The following FAM50A variants were observed in gnomAD, a reference collection of about 807,000 sequenced individuals.
FAM50A encodes the protein family with sequence similarity 50 member A.
A neutral mutation model predicts 35.5 loss-of-function variants in FAM50A; 6 were observed. The ratio of observed to expected loss-of-function variants is 0.17; its 90% confidence interval spans 0.09 to 0.33. The LOEUF (loss-of-function observed/expected upper bound fraction) is 0.33, where lower values mean the gene tolerates loss of function less well. FAM50A is among the 10% of genes least tolerant of loss of function. The pLI is 1.00. For missense variants in FAM50A, 145 were observed against 295.5 expected (o/e 0.49, Z 3.73); for synonymous variants, 120 against 110.9 (o/e 1.08, Z -0.52).
rs782365496 is a variant in FAM50A, at chrX:154,450,107, G to T, written c.900+8G>T. 9.1e-6 allele frequency: 11 copies of T among 1,205,832 alleles called. No individual in the cohort carries two copies. Among genetic ancestry groups the T allele is most frequent in the Non-Finnish European group, 1.2e-5 (11 of 891,831 alleles). On this transcript the variant is annotated splice_region_variant and intron_variant, in intron 11 of 12. Transcript: ENST00000393600. The stretch of plus-strand genomic sequence containing the variant: ...ACTGTGGAGAAGGATGAGGTACAGC[G>T]TAGGGGGCCGTGTGAGGGGGAACGG...
At position 154,446,356 on chromosome X, in the gene FAM50A, G is replaced by A. The variant is rs782700449; in HGVS notation, c.297-59G>A. The A allele has an allele frequency of 1.4e-4, 154 of 1,109,839 alleles. 1 individual carries two copies. The highest frequency in any genetic ancestry group is 3.7e-4 in the South Asian group (20 of 54,049). The allele number at this position is 1,109,839 out of a possible 1,213,427, so 91.5% of individuals were successfully genotyped here. A position where few individuals can be genotyped will look rare whatever the true frequency, so the allele number is the denominator to read the frequency against. On this transcript the variant is annotated intron_variant, in intron 3 of 12. Transcript: ENST00000393600. ...CACAGGTGGCTCTGGGTCAAGGAAG[G>A]GGCTGGGTCAGGGTCGGGAAGGACA...
chrX:154,445,214 C>T (rs2068777605), intron 1 of FAM50A, among the ~76,000 whole-genome samples: 1 of 111,850 alleles, frequency 8.9e-6, no homozygotes, highest in Non-Finnish European at 1.9e-5. Context: ...AGAGAGGCCT[C>T]CTGGGAAGCT....
intron 4 of FAM50A, among the ~76,000 whole-genome samples, chrX:154,447,073 T>G (rs1451303449): frequency 9.0e-6 from 1 of 111,341 alleles, no homozygotes; most frequent in African/African-American, 3.3e-5. Context: ...CACCATGCAC[T>G]GAAGACACTA....
At chrX:154,449,136 C>A in intron 7 of FAM50A, 85 bp from the exon 8 acceptor site, 1 of 947,646 alleles carries the variant, frequency 1.1e-6, no homozygotes, top group Non-Finnish European at 1.5e-6. Context: ...CAGCGTCTGG[C>A]AGGGCCCTCT....
Position 154,450,087 on chromosome X carries a change from G to A in FAM50A, c.888G>A (p.Val296=). Residue 296 remains valine, a synonymous_variant, in exon 11 of 13, where the codon GTG becomes GTA. Transcript: ENST00000393600. ...DDVRLLSDAT[V]EKDESHAGKV... ...TGCGGTTGCTCAGTGACGCCACTGT[G>A]GAGAAGGATGAGGTACAGCGTAGGG... The A allele has an allele frequency of 8.3e-7, 1 of 1,210,401 alleles. No homozygotes were observed. The highest frequency in any genetic ancestry group is 1.1e-6 in the Non-Finnish European group (1 of 894,476).
chrX:154,448,587 G>A lies in FAM50A; in HGVS notation c.519+27G>A, dbSNP rs41304990. ...TAAAGGCTGCCTGGCCCTGACCCCG[G>A]CCTCGACTCCAGCCCTGGTGGAGAC... On this transcript the variant is annotated intron_variant, in intron 5 of 12. Transcript: ENST00000393600. 9.8e-3 allele frequency: 11,674 copies of A among 1,190,942 alleles called. 53 individuals are homozygous for A. The highest frequency in any genetic ancestry group is 0.012 in the Non-Finnish European group (10,306 of 878,840).
intron 4 of FAM50A, among the ~76,000 whole-genome samples, chrX:154,448,068 C>CTTTTTTTT (rs782137009): frequency 1.3e-5 from 1 of 76,519 alleles, no homozygotes; most frequent in Admixed American, 1.3e-4. Context: ...TCTTTTTTTT[C>CTTTTTTTT]TTTCTTTTTT....
At position 154,444,186 on chromosome X, in the gene FAM50A, T is replaced by TGCCGCTGTCGCC; in HGVS notation, c.-49_-48insCCGCTGTCGCCG. 2.1e-6 allele frequency: 1 copy of TGCCGCTGTCGCC among 480,161 alleles called. No homozygotes were observed. Among genetic ancestry groups the TGCCGCTGTCGCC allele is most frequent in the Non-Finnish European group, 2.6e-6 (1 of 389,066 alleles). The allele number at this position is 480,161 out of a possible 1,213,427, so 39.6% of individuals were successfully genotyped here. A position where few individuals can be genotyped will look rare whatever the true frequency, so the allele number is the denominator to read the frequency against. On this transcript the variant is annotated 5_prime_UTR_variant, in exon 1 of 13. Coordinates refer to ENST00000393600, the MANE Select transcript of FAM50A (RefSeq NM_004699.4). Reference sequence around the variant, plus strand: ...CCGCCGCTGCCGCTGCCGCTGTCGCTGTCGCCGCCGCCGCCGCCCGCCGCC... The same window carrying TGCCGCTGTCGCC: ...CCGCCGCTGCCGCTGCCGCTGTCGCTGCCGCTGTCGCCGTCGCCGCCGCCGCCGCCCGCCGCC...
chrX:154,445,555 A>AT (rs1380764608), intron 1 of FAM50A, 78 bp from the exon 2 acceptor site: 1 of 792,150 alleles, frequency 1.3e-6, no homozygotes, highest in Non-Finnish European at 1.9e-6. Flanking sequence ...GATTTGGACT[A>AT]TAACGCAGGT....
intron 7 of FAM50A, 43 bp downstream of exon 7, chrX:154,448,997 C>G: frequency 8.8e-7 from 1 of 1,134,915 alleles, no homozygotes; most frequent in Non-Finnish European, 1.2e-6. Flanking sequence ...ATGGGCCCAG[C>G]CTCCCTCAGG....
intron 8 of FAM50A, 23 bp from the exon 9 acceptor site, chrX:154,449,658 G>T: frequency 8.3e-7 from 1 of 1,201,345 alleles, no homozygotes; most frequent in African/African-American, 1.7e-5. Flanking sequence ...TCTTGCCCAC[G>T]CCCTCCTGCC....
intron 7 of FAM50A, 96 bp from the exon 8 acceptor site, chrX:154,449,125 G>A (rs1335797755): frequency 7.8e-6 from 7 of 901,562 alleles, no homozygotes; most frequent in Non-Finnish European, 8.0e-6. Flanking sequence ...CTGAGGCTCT[G>A]CAGCGTCTGG....
In FAM50A at chrX:154,444,294, A is replaced by G. The variant is rs782252351; in HGVS notation, c.59A>G (p.Lys20Arg). Residue 20 changes from lysine to arginine, a missense_variant, in exon 1 of 13, where the codon AAG becomes AGG. Physicochemically the swap from Lys to Arg is conservative, Grantham distance 26. Coordinates refer to ENST00000393600, the MANE Select transcript of FAM50A (RefSeq NM_004699.4). The stretch of plus-strand genomic sequence containing the variant: ...GGCCGCGCCATGCACCTGATGAAGA[A>G]GCGGGAGAAGCAGCGCGAGCAGATG... ...EAGRAMHLMK[K>R]REKQREQMEQ... is the part of the protein sequence containing the mutation. 1.8e-6 allele frequency: 2 copies of G among 1,121,366 alleles called. No homozygotes were observed. The highest frequency in any genetic ancestry group is 4.0e-5 in the South Asian group (2 of 49,583). 92.4% of individuals were successfully genotyped at this position (1,121,366 alleles called of 1,213,427 possible).
chrX:154,449,123 C>A, intron 7 of FAM50A, 98 bp from the exon 8 acceptor site: 4 of 908,539 alleles, frequency 4.4e-6, no homozygotes, highest in Non-Finnish European at 6.3e-6. Flanking sequence ...GGCTGAGGCT[C>A]TGCAGCGTCT....
intron 3 of FAM50A, 79 bp from the exon 4 acceptor site, chrX:154,446,336 G>T (rs2068782486): frequency 5.1e-6 from 5 of 978,446 alleles, no homozygotes; most frequent in East Asian, 6.1e-5. Context: ...GGGCACACAG[G>T]TGGCTCTGGG....
At chrX:154,446,018 G>C in intron 3 of FAM50A, 107 bp downstream of exon 3, 1 of 562,517 alleles carries the variant, frequency 1.8e-6, no homozygotes, top group Non-Finnish European at 3.0e-6. Context: ...CCAGCTTTGG[G>C]ACAGGGGTAG....
chrX:154,449,588 C>T (rs1603386451), intron 8 of FAM50A, 93 bp from the exon 9 acceptor site: 2 of 800,379 alleles, frequency 2.5e-6, no homozygotes, highest in East Asian at 6.5e-5. Context: ...TGCTTCCCAG[C>T]CCCAGCATGG....
At chrX:154,445,542 G>C (rs1557199693) in intron 1 of FAM50A, 91 bp from the exon 2 acceptor site, 1 of 692,806 alleles carries the variant, frequency 1.4e-6, no homozygotes, top group Admixed American at 2.2e-5. Flanking sequence ...GGGCACAGGG[G>C]CAGATTTGGA....
At chrX:154,448,040 C>T (rs1297539078) in intron 4 of FAM50A, among the ~76,000 whole-genome samples, 8 of 96,961 alleles carry the variant, frequency 8.3e-5, no homozygotes, top group African/African-American at 2.6e-4. Flanking sequence ...TTAGATTTGT[C>T]TTTTTTTGTT....
Sources: gnomAD v4.1 joint callset for allele counts (sites outside exome capture counted in the v4.1 genomes callset) on GRCh38, gnomAD v4.1.1 for gene constraint, MANE v1.5 for transcripts, NCBI Gene and HGNC (gene_info 2026-07-23, HGNC 2026-07-21) for gene names.